The following GRIK2 variants were observed in gnomAD, a reference collection of about 807,000 sequenced individuals.
GRIK2 encodes the protein glutamate ionotropic receptor kainate type subunit 2.
Under a neutral mutation model 100.3 loss-of-function variants are expected in GRIK2, and 32 were observed. The observed-to-expected ratio is 0.32, with a 90% CI of 0.24 to 0.43. The LOEUF (loss-of-function observed/expected upper bound fraction) is 0.43, where lower values mean the gene tolerates loss of function less well. Among genes scored for constraint, GRIK2 ranks in the 20% least tolerant of loss-of-function variants. The pLI is 1.00. For missense variants in GRIK2, 843 were observed against 1,114.9 expected, an observed-to-expected ratio of 0.76 and a Z score of 3.47; for synonymous variants, 417 against 389.4, an observed-to-expected ratio of 1.07 and a Z score of -0.83.
chr6:101,464,692 T>C, intron 2 of GRIK2, among the ~76,000 whole-genome samples: 1 of 151,714 alleles, frequency 6.6e-6, no homozygotes, highest in Non-Finnish European at 1.5e-5. Context: ...AATTTTGTTT[T>C]TGTATTTTTA....
At chr6:101,659,682 T>G in intron 4 of GRIK2, among the ~76,000 whole-genome samples, 1 of 152,212 alleles carries the variant, frequency 6.6e-6, no homozygotes, top group Middle Eastern at 3.2e-3. Flanking sequence ...ACAAAATGTC[T>G]CAGCATTTGC....
At chr6:101,571,966 G>A (rs1777558932) in intron 2 of GRIK2, among the ~76,000 whole-genome samples, 1 of 152,034 alleles carries the variant, frequency 6.6e-6, no homozygotes, top group Non-Finnish European at 1.5e-5. Flanking sequence ...ATTACACAAA[G>A]TATTTGAAAG....
intron 15 of GRIK2, among the ~76,000 whole-genome samples, chr6:102,036,045 G>A (rs1770251758): frequency 6.6e-6 from 1 of 151,262 alleles, no homozygotes; most frequent in Non-Finnish European, 1.5e-5. Flanking sequence ...ATTTACCAAT[G>A]ACATATCTAG....
intron 2 of GRIK2, among the ~76,000 whole-genome samples, chr6:101,605,421 T>C (rs1052678630): frequency 5.9e-5 from 9 of 152,132 alleles, no homozygotes; most frequent in Non-Finnish European, 1.2e-4. Flanking sequence ...CTTTCCTTTT[T>C]TTCTTCGTCT....
intron 16 of GRIK2, among the ~76,000 whole-genome samples, chr6:102,059,514 G>A (rs1771639397): frequency 6.6e-6 from 1 of 151,118 alleles, no homozygotes; most frequent in African/African-American, 2.4e-5. Flanking sequence ...TGGGTGTATG[G>A]ATTTGGTTGA....
intron 1 of GRIK2, among the ~76,000 whole-genome samples, chr6:101,396,974 A>G (rs1775035888): frequency 6.6e-6 from 1 of 152,228 alleles, no homozygotes; most frequent in African/African-American, 2.4e-5. Flanking sequence ...TAGAGGCTTG[A>G]TCTTTCACTT....
intron 10 of GRIK2, among the ~76,000 whole-genome samples, chr6:101,820,133 C>A (rs1269234335): frequency 6.6e-6 from 1 of 152,102 alleles, no homozygotes; most frequent in Non-Finnish European, 1.5e-5. Flanking sequence ...ATGCTTATCT[C>A]AATTTCTGAG....
At chr6:101,536,440 G>C (rs1775696309) in intron 2 of GRIK2, among the ~76,000 whole-genome samples, 1 of 151,584 alleles carries the variant, frequency 6.6e-6, no homozygotes, top group Non-Finnish European at 1.5e-5. Context: ...CAAAATCTAA[G>C]AGTTGGGGTA....
chr6:101,912,897 A>C (rs1369930795), intron 12 of GRIK2, among the ~76,000 whole-genome samples: 1 of 150,876 alleles, frequency 6.6e-6, no homozygotes, highest in Non-Finnish European at 1.5e-5. Flanking sequence ...AGTAATGCAA[A>C]GCTCATTTAA....
intron 15 of GRIK2, among the ~76,000 whole-genome samples, chr6:102,048,797 C>G (rs1771028132): frequency 6.6e-6 from 1 of 152,018 alleles, no homozygotes; most frequent in Non-Finnish European, 1.5e-5. Flanking sequence ...TACCAAACCA[C>G]TACCTAATGC....
chr6:101,856,880 A>T (rs1309605722), intron 10 of GRIK2, among the ~76,000 whole-genome samples: 1 of 152,238 alleles, frequency 6.6e-6, no homozygotes, highest in Non-Finnish European at 1.5e-5. Flanking sequence ...TTAAGAGATC[A>T]GCTGTATTGG....
At chr6:101,873,071 C>T (rs1247710363) in intron 11 of GRIK2, among the ~76,000 whole-genome samples, 1 of 151,676 alleles carries the variant, frequency 6.6e-6, no homozygotes, top group African/African-American at 2.4e-5. Context: ...GGTAGTTAAA[C>T]ACAAGTGATT....
chr6:101,463,071 A>G (rs1334859233), intron 2 of GRIK2, among the ~76,000 whole-genome samples: 1 of 152,206 alleles, frequency 6.6e-6, no homozygotes. Context: ...TCAGACACTT[A>G]TCTTTTTGAC....
rs1451023861 is a variant in GRIK2, at chr6:102,028,523, A to G, written c.2086-6818A>G. Among the ~76,000 whole-genome samples, 6 of 151,314 alleles carry G rather than the reference A, an allele frequency of 4.0e-5. No homozygotes were observed. The East Asian group carries it at 9.7e-4, about 24-fold the overall frequency. The stretch of plus-strand genomic sequence containing the variant: ...GAGGAATAAAATAGAAATACATTCT[A>G]GTATTTTTAGTGGCAGATAGGATAA... On this transcript the variant is annotated intron_variant, in intron 14 of 16. Coordinates refer to ENST00000369134, the MANE Select transcript of GRIK2 (RefSeq NM_021956.5).
rs760271044 is a variant in GRIK2, at chr6:101,399,277, C to T, written c.-1C>T. 4 of 1,449,930 alleles carry T rather than the reference C, an allele frequency of 2.8e-6. No homozygotes were observed. The highest frequency in any genetic ancestry group is 1.1e-5 in the South Asian group (1 of 87,744). 89.8% of individuals were successfully genotyped at this position (1,449,930 alleles called of 1,614,324 possible). On this transcript the variant is annotated 5_prime_UTR_variant, in exon 2 of 17. Transcript: ENST00000369134. ...GCCGTGCGTGTGGGCACAGAAACAC[C>T]ATGAAGATTATTTTCCCGATTCTAA... is the stretch of plus-strand genomic sequence containing the variant.
intron 15 of GRIK2, among the ~76,000 whole-genome samples, chr6:102,049,790 C>T (rs1311864674): frequency 6.6e-6 from 1 of 152,012 alleles, no homozygotes; most frequent in Non-Finnish European, 1.5e-5. Flanking sequence ...TTGATTAAAG[C>T]ATACAGAAGC....
At chr6:102,052,201 A>G (rs1236968131) in intron 15 of GRIK2, among the ~76,000 whole-genome samples, 1 of 152,216 alleles carries the variant, frequency 6.6e-6, no homozygotes, top group Non-Finnish European at 1.5e-5. Flanking sequence ...ATTATGTATC[A>G]AATAAGTAAT....
At chr6:102,051,156 G>C (rs1771159345) in intron 15 of GRIK2, among the ~76,000 whole-genome samples, 1 of 151,918 alleles carries the variant, frequency 6.6e-6, no homozygotes, top group African/African-American at 2.4e-5. Flanking sequence ...CTCCTTTGAG[G>C]GCTCATTTGG....
At chr6:101,753,941 A>G (rs746755251) in intron 7 of GRIK2, among the ~76,000 whole-genome samples, 6 of 152,070 alleles carry the variant, frequency 3.9e-5, no homozygotes, top group Non-Finnish European at 5.9e-5. Context: ...AAAACTTTTA[A>G]TTAATGTTTT....
Sources: gnomAD v4.1 joint callset for allele counts (sites outside exome capture counted in the v4.1 genomes callset) on GRCh38, gnomAD v4.1.1 for gene constraint, MANE v1.5 for transcripts, NCBI Gene and HGNC (gene_info 2026-07-23, HGNC 2026-07-21) for gene names.